IFT43: variants seen among roughly 807,000 people sequenced by gnomAD.
The protein encoded by IFT43 is intraflagellar transport 43.
IFT43 carries 33 observed loss-of-function variants against 32.3 expected under a neutral mutation model. That is an observed-to-expected ratio of 1.02 (90% CI 0.77 to 1.37). The LOEUF is 1.37. Ranked by LOEUF, IFT43 falls within the 40% of genes most tolerant of loss-of-function variation. IFT43 has a pLI of 0.00. For missense variants in IFT43, 274 were observed against 265.9 expected (o/e 1.03, Z -0.21); for synonymous variants, 93 against 98.2 (o/e 0.95, Z 0.31).
At position 75,999,266 on chromosome 14, in the gene IFT43, TATATATG is replaced by T. The variant is rs1566699583; in HGVS notation, c.147+10290_147+10296del. 1.5e-3 allele frequency among the ~76,000 whole-genome samples: 37 copies of T among 25,330 alleles called. 1 individual carries two copies. The highest frequency in any genetic ancestry group is 0.011 in the South Asian group (7 of 640). The allele number at this position is 25,330 out of a possible 152,430, so 16.6% of individuals were successfully genotyped here. On this transcript the variant is annotated intron_variant, in intron 2 of 8. Coordinates refer to ENST00000314067, the MANE Select transcript of IFT43 (RefSeq NM_001102564.3). ...ATATATATATATATATATATATATA[TATATATG>T]TATATATATTTTTTTTTTTTTTTTT...
chr14:76,023,041 G>C (rs1235554958), intron 3 of IFT43, among the ~76,000 whole-genome samples: 1 of 152,186 alleles, frequency 6.6e-6, no homozygotes, highest in Non-Finnish European at 1.5e-5. Context: ...AGCCTCTCCA[G>C]AGCTCCTGGG....
intron 2 of IFT43, among the ~76,000 whole-genome samples, chr14:75,996,143 C>T (rs2035743309): frequency 6.6e-6 from 1 of 152,216 alleles, no homozygotes; most frequent in African/African-American, 2.4e-5. Context: ...GATTCTCCTC[C>T]TCGCCTATGG....
intron 4 of IFT43, chr14:76,058,896 G>A: frequency 6.8e-7 from 1 of 1,470,464 alleles, no homozygotes; most frequent in Non-Finnish European, 8.9e-7. Context: ...CCCACTGTGT[G>A]GTTTTAGAAT....
At position 76,082,337 on chromosome 14, in the gene IFT43, A is replaced by G; in HGVS notation, c.338A>G (p.Asp113Gly). The change falls in exon 6 of 9, where the codon GAC (aspartate) becomes GGC (glycine). Residue 113 changes from aspartate to glycine, a missense_variant. Asp to Gly is a moderately conservative substitution (Grantham distance 94). Coordinates refer to ENST00000314067, the MANE Select transcript of IFT43 (RefSeq NM_001102564.3). The stretch of plus-strand genomic sequence containing the variant: ...GATCTGGAGGAAGTACAGGAAGAAG[A>G]CTTTGTTTTGCAGGTGGCAGCCCCT... ...IPDLEEVQEE[D>G]FVLQVAAPPS... The G allele has an allele frequency of 6.2e-7, 1 of 1,613,806 alleles. No homozygotes were observed. Among genetic ancestry groups the G allele is most frequent in the East Asian group, 2.2e-5 (1 of 44,888 alleles).
intron 2 of IFT43, among the ~76,000 whole-genome samples, chr14:76,020,000 G>T (rs2036260575): frequency 6.6e-6 from 1 of 151,416 alleles, no homozygotes; most frequent in African/African-American, 2.4e-5. Flanking sequence ...TTTGGAGACG[G>T]AATCTCTCCC....
At chr14:76,007,417 C>G (rs963800881) in intron 2 of IFT43, among the ~76,000 whole-genome samples, 2 of 152,126 alleles carry the variant, frequency 1.3e-5, no homozygotes, top group Non-Finnish European at 2.9e-5. Flanking sequence ...TCTCTCACTT[C>G]TTTTCCATTA....
intron 2 of IFT43, among the ~76,000 whole-genome samples, chr14:76,008,149 T>C (rs77057492): frequency 0.013 from 2,033 of 152,290 alleles, 45 homozygotes; most frequent in African/African-American, 0.045. Context: ...TTATGTCTCA[T>C]TGAGCTACAG....
chr14:76,039,938 C>G (rs1164167896), intron 3 of IFT43, among the ~76,000 whole-genome samples: 1 of 152,222 alleles, frequency 6.6e-6, no homozygotes, highest in Non-Finnish European at 1.5e-5. Flanking sequence ...TTCTGAATCT[C>G]AGTACAGAGT....
chr14:76,041,043 G>C (rs997160349), intron 3 of IFT43, among the ~76,000 whole-genome samples: 1 of 152,230 alleles, frequency 6.6e-6, no homozygotes, highest in East Asian at 1.9e-4. Context: ...GCCAAGTGCA[G>C]GCACAAGCCT....
chr14:76,045,631 G>A lies in IFT43; in HGVS notation c.216-13011G>A, dbSNP rs188740517. On this transcript the variant is annotated intron_variant, in intron 3 of 8. Coordinates refer to ENST00000314067, the MANE Select transcript of IFT43 (RefSeq NM_001102564.3). ...CCCTTTCTGCCCCACCATCCTTAGC[G>A]TGTGGGCCTTTGTCACCATGCTCGT... Among the ~76,000 whole-genome samples the A allele has an allele frequency of 5.9e-3, 897 of 152,304 alleles. 3 individuals carry two copies. Among genetic ancestry groups the A allele is most frequent in the Non-Finnish European group, 8.1e-3 (549 of 68,026 alleles).
intron 3 of IFT43, among the ~76,000 whole-genome samples, chr14:76,047,682 CGCCT>C (rs1566723910): frequency 6.6e-6 from 1 of 151,036 alleles, no homozygotes; most frequent in African/African-American, 2.4e-5. Flanking sequence ...ACTGCCCGCC[CGCCT>C]GCCTGCCTGC....
intron 3 of IFT43, among the ~76,000 whole-genome samples, chr14:76,048,540 C>T (rs925721695): frequency 6.6e-6 from 1 of 152,154 alleles, no homozygotes; most frequent in African/African-American, 2.4e-5. Context: ...CTTTTGAGTC[C>T]TGTATGGAGA....
At chr14:76,050,172 A>G (rs1231357370) in intron 3 of IFT43, among the ~76,000 whole-genome samples, 2 of 152,216 alleles carry the variant, frequency 1.3e-5, no homozygotes, top group African/African-American at 2.4e-5. Flanking sequence ...ATCCCCAGCT[A>G]GAATGGCTGG....
chr14:76,032,674 T>A (rs1225136777), intron 3 of IFT43, among the ~76,000 whole-genome samples: 1 of 152,226 alleles, frequency 6.6e-6, no homozygotes, highest in African/African-American at 2.4e-5. Context: ...CGGTGACTAT[T>A]TATTGAACAT....
At chr14:76,025,692 A>G (rs1262883909) in intron 3 of IFT43, among the ~76,000 whole-genome samples, 2 of 152,170 alleles carry the variant, frequency 1.3e-5, no homozygotes, top group Non-Finnish European at 2.9e-5. Context: ...AAAACAAGCA[A>G]TGGGGGAAGG....
At chr14:76,019,982 CTT>C (rs1229779672) in intron 2 of IFT43, among the ~76,000 whole-genome samples, 1 of 147,560 alleles carries the variant, frequency 6.8e-6, no homozygotes, top group Non-Finnish European at 1.5e-5. Flanking sequence ...TGTTTGTACT[CTT>C]TTTTTTTTGG....
At chr14:76,018,369 C>T (rs2036228391) in intron 2 of IFT43, among the ~76,000 whole-genome samples, 1 of 151,992 alleles carries the variant, frequency 6.6e-6, no homozygotes, top group Non-Finnish European at 1.5e-5. Flanking sequence ...CATAATTCCT[C>T]TTGTTATTGA....
chr14:76,075,149 AG>A (rs1368382748), intron 5 of IFT43, among the ~76,000 whole-genome samples: 1 of 152,204 alleles, frequency 6.6e-6, no homozygotes, highest in Admixed American at 6.5e-5. Flanking sequence ...CTGTGTCTGC[AG>A]GGCCACACGC....
chr14:75,999,062 C>T (rs537728173), intron 2 of IFT43, among the ~76,000 whole-genome samples: 37 of 151,510 alleles, frequency 2.4e-4, no homozygotes, highest in African/African-American at 8.5e-4. Flanking sequence ...TTTTCTCTCT[C>T]TTATTGAGCT....
Sources: allele counts gnomAD v4.1 joint callset (sites outside exome capture counted in the v4.1 genomes callset), GRCh38; gene constraint gnomAD v4.1.1; transcripts MANE v1.5; gene names NCBI Gene and HGNC (gene_info 2026-07-23, HGNC 2026-07-21).